Variants in C3orf85 observed in about 807,000 individuals in gnomAD.
C3orf85 encodes the protein uncharacterized protein C3orf85.
Under a neutral mutation model 1.7 loss-of-function variants are expected in C3orf85, and 1 was observed. That is an observed-to-expected ratio of 0.60 (90% confidence interval 0.21 to 2.86). The LOEUF (loss-of-function observed/expected upper bound fraction) is 2.86. C3orf85 is among the 30% of genes most tolerant of loss of function. The pLI, the probability that C3orf85 is intolerant of heterozygous loss-of-function variation, is 0.22. For synonymous variants in C3orf85, 17 were observed against 8.0 expected (o/e 2.13, Z -1.90); for missense variants, 29 against 21.3 (o/e 1.36, Z -0.72).
At chr3:109,148,471 C>G (rs770056652) in intron 3 of C3orf85, 85 bp downstream of exon 3, 3 of 696,018 alleles carry the variant, frequency 4.3e-6, no homozygotes, top group Middle Eastern at 6.3e-4. Flanking sequence ...TAACACATGA[C>G]TAGCCTAGCC....
chr3:109,147,960 C>T (rs995288659), intron 2 of C3orf85, among the ~76,000 whole-genome samples: 4 of 152,098 alleles, frequency 2.6e-5, no homozygotes, highest in African/African-American at 9.7e-5. Flanking sequence ...GGCTGGAATT[C>T]GAATCCAGGT....
At position 109,140,476 on chromosome 3, in the gene C3orf85, C is replaced by T. The variant is rs527968286; in HGVS notation, c.49+3580C>T. On this transcript the variant is annotated intron_variant, in intron 2 of 3. Transcript: ENST00000622536. ...CCCTTCTCCCAGTGACCAGGCTGGT[C>T]GGAGGTTCTCCTGGGACCCCTTTAT... 1.0e-3 allele frequency among the ~76,000 whole-genome samples: 154 copies of T among 152,226 alleles called. 1 individual carries two copies. Among genetic ancestry groups the T allele is most frequent in the African/African-American group, 3.4e-3 (140 of 41,524 alleles).
intron 2 of C3orf85, among the ~76,000 whole-genome samples, chr3:109,138,869 T>C (rs1243903883): frequency 6.6e-6 from 1 of 152,206 alleles, no homozygotes; most frequent in East Asian, 1.9e-4. Flanking sequence ...AAACCTGTCT[T>C]GAACATTTAG....
intron 3 of C3orf85, 69 bp downstream of exon 3, chr3:109,148,455 A>T (rs547179987): frequency 1.4e-6 from 1 of 699,450 alleles, no homozygotes; most frequent in Non-Finnish European, 2.6e-6. Context: ...TTAGCTGACC[A>T]CTAATTAACA....
At position 109,150,049 on chromosome 3, in the gene C3orf85, T is replaced by C. The variant is rs1706851728; in HGVS notation, c.*155T>C. On this transcript the variant is annotated 3_prime_UTR_variant, in exon 4 of 4. Coordinates refer to ENST00000622536, the MANE Select transcript of C3orf85 (RefSeq NM_001351622.2). ...TCAAAGTTGTTGAAAACAGTAGTTA[T>C]GAAAACCCATGTAGGAAACTGGAAT... 2.6e-6 allele frequency: 1 copy of C among 381,010 alleles called. No individual in the cohort carries two copies. Among genetic ancestry groups the C allele is most frequent in the Non-Finnish European group, 4.6e-6 (1 of 215,644 alleles). The allele number at this position is 381,010 out of a possible 1,614,324, so 23.6% of individuals were successfully genotyped here.
At chr3:109,144,565 G>C (rs988583334) in intron 2 of C3orf85, among the ~76,000 whole-genome samples, 4 of 152,032 alleles carry the variant, frequency 2.6e-5, no homozygotes, top group African/African-American at 9.7e-5. Context: ...TGAACCAAAA[G>C]GTAAAAGACT....
At chr3:109,142,988 C>T (rs1215792264) in intron 2 of C3orf85, among the ~76,000 whole-genome samples, 1 of 152,168 alleles carries the variant, frequency 6.6e-6, no homozygotes, top group Non-Finnish European at 1.5e-5. Flanking sequence ...GGTTGCAGAA[C>T]CAGAACAGGA....
chr3:109,140,161 T>C (rs912417470), intron 2 of C3orf85, among the ~76,000 whole-genome samples: 1 of 152,098 alleles, frequency 6.6e-6, no homozygotes, highest in East Asian at 1.9e-4. Flanking sequence ...AGAAGATACA[T>C]AATGAGAATA....
intron 3 of C3orf85, 55 bp downstream of exon 3, chr3:109,148,441 T>C: frequency 2.9e-6 from 2 of 701,042 alleles, no homozygotes; most frequent in South Asian, 3.0e-5. Flanking sequence ...AAATAGTCAT[T>C]GCATTAGCTG....
chr3:109,139,328 A>C (rs4855580), intron 2 of C3orf85, among the ~76,000 whole-genome samples: 1 of 152,146 alleles, frequency 6.6e-6, no homozygotes, highest in Non-Finnish European at 1.5e-5. Context: ...CATAAGAAAC[A>C]ACCAGGAGTT....
At position 109,150,818 on chromosome 3, in the gene C3orf85, G is replaced by A. The variant is rs185255124; in HGVS notation, c.*924G>A. On this transcript the variant is annotated 3_prime_UTR_variant, in exon 4 of 4. Coordinates refer to ENST00000622536, the MANE Select transcript of C3orf85 (RefSeq NM_001351622.2). Reference sequence around the variant, plus strand: ...TATTCTCTATTTTAGTTGTTCTCTCGAACAATTTATTTTTACCTTTTAAGG... The same window carrying A: ...TATTCTCTATTTTAGTTGTTCTCTCAAACAATTTATTTTTACCTTTTAAGG... 2.1e-3 allele frequency among the ~76,000 whole-genome samples: 313 copies of A among 152,136 alleles called. 1 individual carries two copies. The highest frequency in any genetic ancestry group is 3.3e-3 in the African/African-American group (138 of 41,502).
chr3:109,145,015 G>C (rs1285471768), intron 2 of C3orf85, among the ~76,000 whole-genome samples: 1 of 152,132 alleles, frequency 6.6e-6, no homozygotes, highest in Admixed American at 6.5e-5. Context: ...AATCAAAGCT[G>C]GTTAGTCCAC....
rs551576577 is a variant in C3orf85, at chr3:109,147,895, A to T, written c.50-358A>T. ...TGTGTGCATTATTATACCCCTTAACATGCAAGAAAACTAAAGTGCGAAGAA... is the reference window on the plus strand; with the variant it reads ...TGTGTGCATTATTATACCCCTTAACTTGCAAGAAAACTAAAGTGCGAAGAA... On this transcript the variant is annotated intron_variant, in intron 2 of 3. Coordinates refer to ENST00000622536, the MANE Select transcript of C3orf85 (RefSeq NM_001351622.2). Among the ~76,000 whole-genome samples the T allele has an allele frequency of 2.0e-5, 3 of 152,310 alleles. No individual in the cohort carries two copies. The South Asian group carries it at 6.2e-4, about 32-fold the overall frequency.
chr3:109,137,747 G>A (rs1316761893), intron 2 of C3orf85, among the ~76,000 whole-genome samples: 1 of 149,056 alleles, frequency 6.7e-6, no homozygotes, highest in Non-Finnish European at 1.5e-5. Flanking sequence ...TTTGCTGTTG[G>A]GTCATGTTTA....
At chr3:109,138,488 A>T (rs941068960) in intron 2 of C3orf85, among the ~76,000 whole-genome samples, 1 of 152,228 alleles carries the variant, frequency 6.6e-6, no homozygotes, top group African/African-American at 2.4e-5. Context: ...ATTTTCTTTT[A>T]AGAATACAGC....
chr3:109,144,398 A>G (rs1257857907), intron 2 of C3orf85, among the ~76,000 whole-genome samples: 1 of 152,156 alleles, frequency 6.6e-6, no homozygotes, highest in African/African-American at 2.4e-5. Context: ...CTCAATTTGT[A>G]AAGTAGGATA....
intron 2 of C3orf85, among the ~76,000 whole-genome samples, chr3:109,140,180 A>G (rs1202244579): frequency 6.6e-6 from 1 of 152,194 alleles, no homozygotes; most frequent in African/African-American, 2.4e-5. Context: ...TAAACTGGAA[A>G]ATAATTTGGC....
intron 2 of C3orf85, among the ~76,000 whole-genome samples, chr3:109,141,253 C>G (rs889152076): frequency 1.3e-5 from 2 of 152,170 alleles, no homozygotes; most frequent in Non-Finnish European, 2.9e-5. Flanking sequence ...TCCCAAAGTG[C>G]TGGGATTATA....
chr3:109,145,315 A>G (rs1034594800), intron 2 of C3orf85, among the ~76,000 whole-genome samples: 1 of 152,242 alleles, frequency 6.6e-6, no homozygotes, highest in Non-Finnish European at 1.5e-5. Flanking sequence ...GGAATGAAAT[A>G]CTGATGTCAC....
Sources: gnomAD v4.1 joint callset for allele counts (sites outside exome capture counted in the v4.1 genomes callset) on GRCh38, gnomAD v4.1.1 for gene constraint, MANE v1.5 for transcripts, NCBI Gene and HGNC (gene_info 2026-07-23, HGNC 2026-07-21) for gene names.